The following PNMA8B variants were observed in gnomAD, a reference collection of about 807,000 sequenced individuals.
The protein encoded by PNMA8B is paraneoplastic antigen-like protein 8B.
For synonymous variants in PNMA8B, 386 were observed against 394.9 expected (o/e 0.98, Z 0.27); for missense variants, 887 against 885.8 (o/e 1.00, Z -0.02).
In PNMA8B at chr19:46,492,346, TACGGCACGGC is replaced by T; in HGVS notation, c.*1202_*1211del. ...AGCCGGGGTTGCAGGAGCTGAAGCA[TACGGCACGGC>T]ACGGCACAGACTCACATACAACTCA... On this transcript the variant is annotated 3_prime_UTR_variant, in exon 1 of 1. Coordinates refer to ENST00000599531, the MANE Select transcript of PNMA8B (RefSeq NM_020709.3). The T allele has an allele frequency of 7.1e-6, 2 of 281,778 alleles. No individual in the cohort carries two copies. Among genetic ancestry groups the T allele is most frequent in the Non-Finnish European group, 1.5e-5 (2 of 135,512 alleles). The allele number at this position is 281,778 out of a possible 1,614,324, so 17.5% of individuals were successfully genotyped here.
In PNMA8B at chr19:46,494,324, T is replaced by G; in HGVS notation, c.1142A>C (p.Lys381Thr). ...CTTCACGCGGGTCCCGTTAGTGTCC[T>G]TGGACATGACGGACAAGACCTGTCG... ...PLRQVLSVMSKDTNGTRVKVE... is the reference protein window; with the variant it reads ...PLRQVLSVMSTDTNGTRVKVE... The change falls in exon 1 of 1, where the codon AAG (lysine) becomes ACG (threonine). Residue 381 changes from lysine to threonine, a missense_variant. Lys to Thr is a moderately conservative substitution (Grantham distance 78). Transcript: ENST00000599531. 6.2e-7 allele frequency: 1 copy of G among 1,613,162 alleles called. No individual in the cohort carries two copies. Among genetic ancestry groups the G allele is most frequent in the Non-Finnish European group, 8.5e-7 (1 of 1,179,860 alleles).
At position 46,495,288 on chromosome 19, in the gene PNMA8B, C is replaced by T. The variant is rs781105801; in HGVS notation, c.178G>A (p.Glu60Lys). 6 of 1,464,690 alleles carry T rather than the reference C, an allele frequency of 4.1e-6. No homozygotes were observed. The highest frequency in any genetic ancestry group is 3.3e-5 in the Admixed American group (2 of 59,848). 90.7% of individuals were successfully genotyped at this position (1,464,690 alleles called of 1,614,324 possible). A position where few individuals can be genotyped will look rare whatever the true frequency, so the allele number is the denominator to read the frequency against. ...RLRHMKALMN[E>K]KAQAALVEFV... Reference sequence around the variant, plus strand: ...TCCACCAGGGCGGCCTGGGCCTTCTCGTTCATCAAAGCCTTCATGTGTCGC... The same window carrying T: ...TCCACCAGGGCGGCCTGGGCCTTCTTGTTCATCAAAGCCTTCATGTGTCGC... Residue 60 changes from glutamate to lysine, a missense_variant, in exon 1 of 1, where the codon GAG becomes AAG. Glu to Lys is a moderately conservative substitution (Grantham distance 56). Transcript: ENST00000599531.
chr19:46,492,103 A>G lies in PNMA8B; in HGVS notation c.*1455T>C, dbSNP rs375639776. On this transcript the variant is annotated 3_prime_UTR_variant, in exon 1 of 1. Coordinates refer to ENST00000599531, the MANE Select transcript of PNMA8B (RefSeq NM_020709.3). ...GCTTCTACATCTGGGTGTCCCTGAC[A>G]TAGGACTGGGACAGTCTGGTCTGGA... The G allele has an allele frequency of 1.2e-5, 5 of 403,126 alleles. No homozygotes were observed. The highest frequency in any genetic ancestry group is 8.5e-5 in the East Asian group (1 of 11,762). The allele number at this position is 403,126 out of a possible 1,614,324, so 25.0% of individuals were successfully genotyped here. A position where few individuals can be genotyped will look rare whatever the true frequency, so the allele number is the denominator to read the frequency against.
At position 46,494,095 on chromosome 19, in the gene PNMA8B, G is replaced by A. The variant is rs1196140041; in HGVS notation, c.1371C>T (p.Ala457=). The change falls in exon 1 of 1, where the codon GCC becomes GCT. Residue 457 remains alanine (A), a synonymous_variant. Transcript: ENST00000599531. ...GLLELVALLA[A]QDMAEVMKEE... Reference sequence around the variant, plus strand: ...CCTTCATCACCTCCGCCATGTCCTGGGCAGCCAGGAGCGCCACCAGCTCCA... The same window carrying A: ...CCTTCATCACCTCCGCCATGTCCTGAGCAGCCAGGAGCGCCACCAGCTCCA... 6.2e-7 allele frequency: 1 copy of A among 1,612,744 alleles called. No individual in the cohort carries two copies. Among genetic ancestry groups the A allele is most frequent in the Non-Finnish European group, 8.5e-7 (1 of 1,179,862 alleles).
rs1002989164 is a variant in PNMA8B, at chr19:46,493,372, G to A, written c.*186C>T. On this transcript the variant is annotated 3_prime_UTR_variant, in exon 1 of 1. Coordinates refer to ENST00000599531, the MANE Select transcript of PNMA8B (RefSeq NM_020709.3). The surrounding 1 kb of genome is among the most constrained non-coding windows in gnomAD (Gnocchi z 5.3). Reference sequence around the variant, plus strand: ...CCGGGCTTCCTCCGTCGGGATCGCTGGCGCCCCCGGCCTGCGAGGGCCCGA... The same window carrying A: ...CCGGGCTTCCTCCGTCGGGATCGCTAGCGCCCCCGGCCTGCGAGGGCCCGA... 21 of 413,314 alleles carry A rather than the reference G, an allele frequency of 5.1e-5. No homozygotes were observed. The Admixed American group carries it at 9.3e-4, about 18-fold the overall frequency. The allele number at this position is 413,314 out of a possible 1,614,324, so 25.6% of individuals were successfully genotyped here. A position where few individuals can be genotyped will look rare whatever the true frequency, so the allele number is the denominator to read the frequency against.
At position 46,493,438 on chromosome 19, in the gene PNMA8B, T is replaced by A. The variant is rs1970034315; in HGVS notation, c.*120A>T. The A allele has an allele frequency of 1.6e-6, 1 of 629,628 alleles. No homozygotes were observed. The highest frequency in any genetic ancestry group is 2.1e-5 in the African/African-American group (1 of 48,702). 39.0% of individuals were successfully genotyped at this position (629,628 alleles called of 1,614,324 possible). A position where few individuals can be genotyped will look rare whatever the true frequency, so the allele number is the denominator to read the frequency against. On this transcript the variant is annotated 3_prime_UTR_variant, in exon 1 of 1. Transcript: ENST00000599531. This position sits in a 1 kb window ranked among gnomAD's most constrained non-coding sequence, Gnocchi z 5.3. ...CTGGCAAAACGCGGCCCGGGCGCGCTGTGAAGCGAGGAGATTGCGTCTGCG... is the reference window on the plus strand; with the variant it reads ...CTGGCAAAACGCGGCCCGGGCGCGCAGTGAAGCGAGGAGATTGCGTCTGCG...
rs754742737 is a variant in PNMA8B at position 46,493,760 on chromosome 19, C to G, written c.1706G>C (p.Arg569Pro). 8.1e-6 allele frequency: 11 copies of G among 1,352,334 alleles called. No homozygotes were observed. The highest frequency in any genetic ancestry group is 1.0e-5 in the Non-Finnish European group (11 of 1,058,476). 83.8% of individuals were successfully genotyped at this position (1,352,334 alleles called of 1,614,324 possible). ...GGCTTTCTTCTCGGGAGTGACGCCC[C>G]GGCCTCGGCCTCGGCCGCCCGCGCG... ...KTRAGGRGRGRGVTPEKKAGS... is the reference protein window; with the variant it reads ...KTRAGGRGRGPGVTPEKKAGS... Residue 569 changes from arginine (R) to proline (P), a missense_variant, in exon 1 of 1, where the codon CGG (arginine) becomes CCG (proline). Arg to Pro is a moderately radical substitution (Grantham distance 103). Transcript: ENST00000599531. The surrounding 1 kb of genome is among the most constrained non-coding windows in gnomAD (Gnocchi z 5.3).
Position 46,491,880 on chromosome 19 carries a change from G to A in PNMA8B, c.*1678C>T, listed in dbSNP as rs899424012. On this transcript the variant is annotated 3_prime_UTR_variant, in exon 1 of 1. Transcript: ENST00000599531. ...TTTCACTTTACTGGAGGATCCAGGT[G>A]ACACAGGGCACAGGGAGAGAAGCCT... 1 of 169,324 alleles carries A rather than the reference G, an allele frequency of 5.9e-6. No homozygotes were observed. The highest frequency in any genetic ancestry group is 6.3e-5 in the Admixed American group (1 of 15,796). 10.5% of individuals were successfully genotyped at this position (169,324 alleles called of 1,614,324 possible).
Sources: gnomAD v4.1 joint callset for allele counts on GRCh38, gnomAD v4.1.1 for gene constraint, Gnocchi (gnomAD v3.1) non-coding constraint, MANE v1.5 for transcripts, NCBI Gene and HGNC (gene_info 2026-07-23, HGNC 2026-07-21) for gene names.